The following SGMS1 variants were observed in gnomAD, a reference collection of about 807,000 sequenced individuals.
SGMS1 encodes sphingomyelin synthase 1.
SGMS1 carries 13 observed loss-of-function variants against 46.2 expected under a neutral mutation model. The ratio of observed to expected loss-of-function variants is 0.28; its 90% CI spans 0.18 to 0.45. The LOEUF is 0.45. SGMS1 is among the 20% of genes least tolerant of loss of function. The probability of loss-of-function intolerance (pLI) is 1.00; values close to 1 mark genes in which losing one functional copy is unlikely to be tolerated. For synonymous variants in SGMS1, 203 were observed against 187.8 expected, an observed-to-expected ratio of 1.08 and a Z score of -0.66; for missense variants, 324 against 519.9, an observed-to-expected ratio of 0.62 and a Z score of 3.66.
chr10:50,342,480 A>G (rs1218368930), intron 7 of SGMS1: 1 of 152,248 alleles, frequency 6.6e-6, no homozygotes, highest in Admixed American at 6.5e-5. Context: ...TTGTAGATAT[A>G]TAATTTATCA....
chr10:50,498,562 A>G (rs2133752425), intron 3 of SGMS1, among the ~76,000 whole-genome samples: 1 of 152,186 alleles, frequency 6.6e-6, no homozygotes, highest in East Asian at 1.9e-4. Flanking sequence ...AGCATATAGT[A>G]TTTTTCCTTT....
chr10:50,372,409 T>C (rs745961362), intron 6 of SGMS1, among the ~76,000 whole-genome samples: 1 of 152,118 alleles, frequency 6.6e-6, no homozygotes, highest in East Asian at 1.9e-4. Context: ...ACACAGCTAA[T>C]AGGCCGGGCA....
Position 50,307,076 on chromosome 10 carries a change from G to T in SGMS1, c.*66C>A. The stretch of plus-strand genomic sequence containing the variant: ...AGGATTAGGGAGGTGTTTATTTTAT[G>T]GCATCTTCTCTCATGGAGTTCTTAG... On this transcript the variant is annotated 3_prime_UTR_variant, in exon 11 of 11. Transcript: ENST00000361781. This position sits in a 1 kb window ranked among gnomAD's most constrained non-coding sequence, Gnocchi z 4.2. 1 of 1,478,008 alleles carries T rather than the reference G, an allele frequency of 6.8e-7. No homozygotes were observed. The highest frequency in any genetic ancestry group is 1.3e-5 in the South Asian group (1 of 77,852). The allele number at this position is 1,478,008 out of a possible 1,614,324, so 91.6% of individuals were successfully genotyped here.
chr10:50,514,176 G>C (rs566895155), intron 3 of SGMS1, among the ~76,000 whole-genome samples: 1 of 152,310 alleles, frequency 6.6e-6, no homozygotes, highest in South Asian at 2.1e-4. Context: ...ATTTCTAAAT[G>C]ATGCAGTCTG....
chr10:50,475,661 C>T (rs1837415466), intron 3 of SGMS1, among the ~76,000 whole-genome samples: 1 of 152,096 alleles, frequency 6.6e-6, no homozygotes, highest in Admixed American at 6.6e-5. Context: ...GTGACTGGAT[C>T]ATGGGAGTAG....
chr10:50,364,191 T>C (rs148023025), intron 6 of SGMS1, among the ~76,000 whole-genome samples: 2,107 of 152,068 alleles, frequency 0.014, 24 homozygotes, highest in Non-Finnish European at 0.022. Flanking sequence ...AAGATCTGAA[T>C]AGCAGGAGTT....
intron 2 of SGMS1, among the ~76,000 whole-genome samples, chr10:50,558,749 C>G (rs1054663120): frequency 2.0e-5 from 3 of 152,166 alleles, no homozygotes; most frequent in African/African-American, 7.2e-5. Context: ...GGATGGAGAA[C>G]TTTATGATGA....
intron 6 of SGMS1, among the ~76,000 whole-genome samples, chr10:50,353,837 C>A (rs932231136): frequency 6.6e-6 from 1 of 152,076 alleles, no homozygotes; most frequent in Admixed American, 6.5e-5. Context: ...CTCCCATTCA[C>A]AATTGCTTCA....
chr10:50,505,234 T>C (rs1837696628), intron 3 of SGMS1, among the ~76,000 whole-genome samples: 1 of 151,850 alleles, frequency 6.6e-6, no homozygotes, highest in Admixed American at 6.6e-5. Flanking sequence ...ATTTAGAAAA[T>C]TAAATTAAAA....
intron 6 of SGMS1, among the ~76,000 whole-genome samples, chr10:50,345,368 G>A (rs1847899286): frequency 6.6e-6 from 1 of 152,136 alleles, no homozygotes; most frequent in South Asian, 2.1e-4. Context: ...GAAATGTCAA[G>A]AAACTTGCCC....
At chr10:50,388,674 C>T (rs563181730) in intron 6 of SGMS1, among the ~76,000 whole-genome samples, 2 of 152,068 alleles carry the variant, frequency 1.3e-5, no homozygotes, top group East Asian at 3.9e-4. Flanking sequence ...ATAGCGAGCG[C>T]TTGATATGTA....
intron 7 of SGMS1, among the ~76,000 whole-genome samples, chr10:50,336,668 T>A (rs1452027755): frequency 6.6e-6 from 1 of 152,072 alleles, no homozygotes; most frequent in African/African-American, 2.4e-5. Flanking sequence ...AAAAAATACA[T>A]CTCCAAAGGA....
intron 1 of SGMS1, among the ~76,000 whole-genome samples, chr10:50,606,441 T>C (rs1260957970): frequency 6.6e-6 from 1 of 152,250 alleles, no homozygotes; most frequent in East Asian, 1.9e-4. Context: ...CTGAACTGTA[T>C]ACTTAAAAAT....
chr10:50,439,107 G>GA (rs919621032), intron 5 of SGMS1, among the ~76,000 whole-genome samples: 2 of 152,158 alleles, frequency 1.3e-5, no homozygotes, highest in Admixed American at 6.5e-5. Flanking sequence ...ACATGTTGGA[G>GA]ACTTGTTGGA....
chr10:50,559,230 A>C (rs1416441291), intron 2 of SGMS1, among the ~76,000 whole-genome samples: 1 of 152,192 alleles, frequency 6.6e-6, no homozygotes, highest in Non-Finnish European at 1.5e-5. Flanking sequence ...TACTTGCTAT[A>C]ATCTTTTACT....
intron 2 of SGMS1, among the ~76,000 whole-genome samples, chr10:50,537,483 T>C (rs1838012912): frequency 6.6e-6 from 1 of 150,772 alleles, no homozygotes; most frequent in Admixed American, 6.6e-5. Context: ...ATACTTTAAG[T>C]TCTAGGGTAC....
At chr10:50,347,272 A>G (rs1847930379) in intron 6 of SGMS1, among the ~76,000 whole-genome samples, 1 of 152,216 alleles carries the variant, frequency 6.6e-6, no homozygotes, top group South Asian at 2.1e-4. Context: ...TATTCCTTTG[A>G]CCTAGTAATG....
intron 3 of SGMS1, among the ~76,000 whole-genome samples, chr10:50,506,708 G>C (rs1199325171): frequency 2.0e-5 from 3 of 152,276 alleles, no homozygotes; most frequent in East Asian, 3.9e-4. Flanking sequence ...TTAAATTAAA[G>C]ATAATGGGAG....
At chr10:50,560,122 A>G (rs1838221157) in intron 2 of SGMS1, among the ~76,000 whole-genome samples, 1 of 147,062 alleles carries the variant, frequency 6.8e-6, no homozygotes, top group African/African-American at 2.5e-5. Flanking sequence ...ATATTACATT[A>G]TAACACATAT....
Sources: gnomAD v4.1 joint callset for allele counts (sites outside exome capture counted in the v4.1 genomes callset) on GRCh38, gnomAD v4.1.1 for gene constraint, Gnocchi (gnomAD v3.1) non-coding constraint, MANE v1.5 for transcripts, NCBI Gene and HGNC (gene_info 2026-07-23, HGNC 2026-07-21) for gene names.